Variants in ARHGEF3 observed in about 807,000 individuals in gnomAD.
The protein encoded by ARHGEF3 is Rho guanine nucleotide exchange factor 3, also known as 59.8 kDA protein.
Under a neutral mutation model 63.2 loss-of-function variants are expected in ARHGEF3, and 28 were observed. The observed-to-expected ratio is 0.44, with a 90% CI of 0.33 to 0.61. ARHGEF3 has a LOEUF of 0.61. Ranked by LOEUF, ARHGEF3 falls within the 20% of genes least tolerant of loss-of-function variation. The pLI is 0.03. For missense variants in ARHGEF3, 533 were observed against 659.3 expected (o/e 0.81, Z 2.10); for synonymous variants, 266 against 254.2 (o/e 1.05, Z -0.44).
intron 4 of ARHGEF3, among the ~76,000 whole-genome samples, chr3:56,822,367 T>C (rs139195595): frequency 1.3e-5 from 2 of 152,198 alleles, no homozygotes; most frequent in East Asian, 1.9e-4. Flanking sequence ...TGTCAGGCAA[T>C]AGGGAATGTT....
intron 1 of ARHGEF3, among the ~76,000 whole-genome samples, chr3:57,043,588 A>G (rs1704321184): frequency 6.6e-6 from 1 of 151,970 alleles, no homozygotes; most frequent in Non-Finnish European, 1.5e-5. Context: ...AGTCAGCCTG[A>G]GCATATCATG....
At chr3:56,825,752 C>T (rs150593846) in intron 4 of ARHGEF3, among the ~76,000 whole-genome samples, 1 of 152,312 alleles carries the variant, frequency 6.6e-6, no homozygotes, top group African/African-American at 2.4e-5. Context: ...GCTTCAAGAA[C>T]AAGCAGCTCA....
At chr3:57,036,132 G>C (rs916622732) in intron 1 of ARHGEF3, among the ~76,000 whole-genome samples, 5 of 152,100 alleles carry the variant, frequency 3.3e-5, no homozygotes, top group Admixed American at 3.3e-4. Flanking sequence ...AACTTCCTGA[G>C]GGCCTGGTGC....
In ARHGEF3 at chr3:56,801,844, G is replaced by C. The variant is rs1315831323; in HGVS notation, c.-46C>G. On this transcript the variant is annotated 5_prime_UTR_variant, in exon 1 of 10. Coordinates refer to ENST00000296315, the MANE Select transcript of ARHGEF3 (RefSeq NM_019555.3). ...TTTGGGATGTCACCGCTGACCCTAG[G>C]CGACTACAAAACTCCCAGGCAAAAG... The C allele has an allele frequency of 3.2e-6, 5 of 1,551,696 alleles. No individual in the cohort carries two copies. The highest frequency in any genetic ancestry group is 4.4e-6 in the Non-Finnish European group (5 of 1,147,070).
intron 1 of ARHGEF3, among the ~76,000 whole-genome samples, chr3:57,066,187 G>C (rs1285964550): frequency 6.6e-6 from 1 of 152,110 alleles, no homozygotes; most frequent in African/African-American, 2.4e-5. Context: ...TCAATCAAAG[G>C]GGAGGGAATT....
At chr3:56,855,288 C>A (rs1407376341) in intron 4 of ARHGEF3, among the ~76,000 whole-genome samples, 1 of 152,064 alleles carries the variant, frequency 6.6e-6, no homozygotes, top group Non-Finnish European at 1.5e-5. Flanking sequence ...TTCTCAAGAC[C>A]ACATATCTAA....
At chr3:56,888,564 T>C (rs1046130798) in intron 3 of ARHGEF3, among the ~76,000 whole-genome samples, 1 of 152,126 alleles carries the variant, frequency 6.6e-6, no homozygotes, top group Non-Finnish European at 1.5e-5. Flanking sequence ...GACCACTTTC[T>C]AGAAGTGCTC....
intron 2 of ARHGEF3, among the ~76,000 whole-genome samples, chr3:56,976,089 T>G (rs1701115173): frequency 6.6e-6 from 1 of 152,210 alleles, no homozygotes; most frequent in South Asian, 2.1e-4. Context: ...TTGCCCAGGC[T>G]GGAGTGCAGT....
intron 1 of ARHGEF3, among the ~76,000 whole-genome samples, chr3:57,068,159 A>G (rs1705668998): frequency 2.3e-5 from 1 of 43,510 alleles, no homozygotes; most frequent in African/African-American, 8.9e-5. Context: ...ATATGCGCGC[A>G]CACACACATA....
chr3:56,924,538 A>G (rs1403640238), intron 3 of ARHGEF3, among the ~76,000 whole-genome samples: 2 of 152,352 alleles, frequency 1.3e-5, no homozygotes, highest in East Asian at 3.9e-4. Context: ...TACTCCATAG[A>G]CGGTTGCCCA....
chr3:57,039,111 G>A (rs939849408), intron 1 of ARHGEF3, among the ~76,000 whole-genome samples: 9 of 152,152 alleles, frequency 5.9e-5, no homozygotes, highest in Non-Finnish European at 1.0e-4. Flanking sequence ...TCACCTGCAT[G>A]GAAGAGGAAT....
chr3:56,915,229 G>A (rs115297539), intron 3 of ARHGEF3, among the ~76,000 whole-genome samples: 4,635 of 152,150 alleles, frequency 0.03, 231 homozygotes, highest in African/African-American at 0.11. Flanking sequence ...TGAAGCTTGA[G>A]CTCAAGGAGG....
At chr3:57,057,630 A>G (rs1705002346) in intron 1 of ARHGEF3, among the ~76,000 whole-genome samples, 1 of 152,054 alleles carries the variant, frequency 6.6e-6, no homozygotes, top group South Asian at 2.1e-4. Context: ...CCCCCACACA[A>G]GCTTTTTTAA....
At chr3:56,861,441 A>G (rs1468055019) in intron 4 of ARHGEF3, among the ~76,000 whole-genome samples, 2 of 152,190 alleles carry the variant, frequency 1.3e-5, no homozygotes, top group African/African-American at 4.8e-5. Flanking sequence ...TTTAAAACCT[A>G]GATTGCCCAG....
At chr3:56,768,718 G>A (rs553139335) in intron 2 of ARHGEF3, among the ~76,000 whole-genome samples, 75 of 150,062 alleles carry the variant, frequency 5.0e-4, no homozygotes, top group African/African-American at 1.8e-3. Context: ...GGCAAAAAGC[G>A]TTAAAGGAAA....
At chr3:56,743,937 G>A (rs1363161661) in intron 7 of ARHGEF3, among the ~76,000 whole-genome samples, 4 of 151,998 alleles carry the variant, frequency 2.6e-5, no homozygotes, top group Admixed American at 1.3e-4. Flanking sequence ...AGGTTACAGA[G>A]CTTGTAAATG....
At chr3:56,968,462 C>T (rs1200627228) in intron 2 of ARHGEF3, among the ~76,000 whole-genome samples, 1 of 142,494 alleles carries the variant, frequency 7.0e-6, no homozygotes, top group Non-Finnish European at 1.5e-5. Context: ...GCCTCAGCCT[C>T]CTAAGACTAC....
intron 4 of ARHGEF3, among the ~76,000 whole-genome samples, chr3:56,819,256 A>G (rs1254434014): frequency 6.6e-6 from 1 of 152,208 alleles, no homozygotes; most frequent in African/African-American, 2.4e-5. Flanking sequence ...GGTATGTATC[A>G]AGGGCTGTCA....
At chr3:56,794,962 A>C in intron 1 of ARHGEF3, among the ~76,000 whole-genome samples, 1 of 151,764 alleles carries the variant, frequency 6.6e-6, no homozygotes, top group East Asian at 1.9e-4. Context: ...TGGCTCCAGC[A>C]ATTCTCCCAC....
Sources: allele counts gnomAD v4.1 joint callset (sites outside exome capture counted in the v4.1 genomes callset), GRCh38; gene constraint gnomAD v4.1.1; transcripts MANE v1.5; gene names NCBI Gene and HGNC (gene_info 2026-07-23, HGNC 2026-07-21).